RBM47: variants seen among roughly 807,000 people sequenced by gnomAD.
RBM47 encodes RNA-binding protein 47.
RBM47 carries 21 observed loss-of-function variants against 47.1 expected under a neutral mutation model. That is an observed-to-expected ratio of 0.45 (90% confidence interval 0.32 to 0.64). RBM47 has a LOEUF of 0.64. RBM47 is among the 30% of genes least tolerant of loss of function. The probability of loss-of-function intolerance (pLI) is 0.05; values close to 1 mark genes in which losing one functional copy is unlikely to be tolerated. For synonymous variants in RBM47, 375 were observed against 361.7 expected, an observed-to-expected ratio of 1.04 and a Z score of -0.42; for missense variants, 708 against 870.9, an observed-to-expected ratio of 0.81 and a Z score of 2.35.
chr4:40,479,294 G>A (rs1720059206), intron 2 of RBM47, among the ~76,000 whole-genome samples: 1 of 152,140 alleles, frequency 6.6e-6, no homozygotes, highest in Non-Finnish European at 1.5e-5. Context: ...GGATCTGTGG[G>A]CTGTCCTTTT....
rs7663756 is a variant in RBM47, at chr4:40,628,381, T to G, written c.-240+1015A>C. On this transcript the variant is annotated intron_variant, in intron 1 of 6. Transcript: ENST00000295971. The surrounding 1 kb of genome is among the most constrained non-coding windows in gnomAD (Gnocchi z 4.0). ...ACTCCCACAAAGTGATCTCTTCTTA[T>G]GCTCTAGGTTGAGTACTTTGGTTTA... Among the ~76,000 whole-genome samples, 5,142 of 152,324 alleles carry G rather than the reference T, an allele frequency of 0.034. 264 individuals carry two copies. Among genetic ancestry groups the G allele is most frequent in the African/African-American group, 0.11 (4,694 of 41,544 alleles).
At chr4:40,509,968 A>C (rs1038226414) in intron 2 of RBM47, among the ~76,000 whole-genome samples, 3 of 151,868 alleles carry the variant, frequency 2.0e-5, no homozygotes, top group Non-Finnish European at 4.4e-5. Flanking sequence ...GGGGTGGGTC[A>C]CTTGAGGTCA....
At chr4:40,437,169 T>TAAA (rs1560357805) in intron 4 of RBM47, among the ~76,000 whole-genome samples, 4,448 of 109,094 alleles carry the variant, frequency 0.041, 496 homozygotes, top group African/African-American at 0.053. Flanking sequence ...TATATATATA[T>TAAA]ATAATACATA....
At chr4:40,483,667 G>A (rs529575380) in intron 2 of RBM47, among the ~76,000 whole-genome samples, 1 of 152,296 alleles carries the variant, frequency 6.6e-6, no homozygotes, top group African/African-American at 2.4e-5. Context: ...CTGGACTCCA[G>A]CCTGGGTGAC....
At chr4:40,551,625 G>C (rs902655576) in intron 1 of RBM47, among the ~76,000 whole-genome samples, 1 of 151,570 alleles carries the variant, frequency 6.6e-6, no homozygotes, top group African/African-American at 2.4e-5. Flanking sequence ...GAGGGAGGGA[G>C]GGAGAATCAA....
chr4:40,531,701 A>G (rs1201395031), intron 2 of RBM47, among the ~76,000 whole-genome samples: 1 of 152,210 alleles, frequency 6.6e-6, no homozygotes, highest in Non-Finnish European at 1.5e-5. Context: ...AATGTCAGAA[A>G]AGCAGATATA....
intron 2 of RBM47, among the ~76,000 whole-genome samples, chr4:40,540,650 AAAAT>A (rs1200117336): frequency 1.2e-3 from 134 of 110,332 alleles, no homozygotes; most frequent in African/African-American, 4.7e-3. Flanking sequence ...AAAAAAAAAA[AAAAT>A]AATAATAATA....
intron 2 of RBM47, among the ~76,000 whole-genome samples, chr4:40,510,758 T>C (rs989613714): frequency 5.9e-5 from 9 of 152,128 alleles, no homozygotes; most frequent in Admixed American, 3.3e-4. Flanking sequence ...AGAAATGTTA[T>C]TGAAAGATGT....
chr4:40,619,970 G>A (rs368814557), intron 1 of RBM47, among the ~76,000 whole-genome samples: 3 of 152,262 alleles, frequency 2.0e-5, no homozygotes, highest in African/African-American at 2.4e-5. Context: ...GGCCGAGGCC[G>A]CGGATCACTT....
At position 40,429,262 on chromosome 4, in the gene RBM47, G is replaced by A. The variant is rs77870903; in HGVS notation, c.1543-3119C>T. 1.4e-4 allele frequency among the ~76,000 whole-genome samples: 21 copies of A among 152,056 alleles called. No individual in the cohort carries two copies. The East Asian group carries it at 4.1e-3, about 29-fold the overall frequency. ...GGATATGCCAACGAGGAGCACTAAA[G>A]GCCTTCCTGTAAATGAAAAGGGGAA... On this transcript the variant is annotated intron_variant, in intron 6 of 6. Coordinates refer to ENST00000295971, the MANE Select transcript of RBM47 (RefSeq NM_001098634.2).
At chr4:40,502,425 G>A (rs145646919) in intron 2 of RBM47, among the ~76,000 whole-genome samples, 7 of 152,180 alleles carry the variant, frequency 4.6e-5, no homozygotes, top group Non-Finnish European at 8.8e-5. Flanking sequence ...ATGCTGCTGA[G>A]AAATGCTTCC....
intron 1 of RBM47, among the ~76,000 whole-genome samples, chr4:40,586,669 G>A (rs994862574): frequency 1.3e-5 from 2 of 151,102 alleles, no homozygotes; most frequent in Non-Finnish European, 2.9e-5. Flanking sequence ...CAGGCAGGCA[G>A]GGGCAATGGT....
At chr4:40,581,332 A>G (rs1256934463) in intron 1 of RBM47, among the ~76,000 whole-genome samples, 1 of 151,870 alleles carries the variant, frequency 6.6e-6, no homozygotes, top group African/African-American at 2.4e-5. Flanking sequence ...TGAGGTGGGA[A>G]GATCCCTTGA....
At chr4:40,582,712 C>T (rs78512770) in intron 1 of RBM47, among the ~76,000 whole-genome samples, 8,082 of 152,202 alleles carry the variant, frequency 0.053, 501 homozygotes, top group East Asian at 0.21. Context: ...CTTCTGGCTC[C>T]GGGCTGTTTC....
chr4:40,510,204 A>AAG (rs1337270569), intron 2 of RBM47, among the ~76,000 whole-genome samples: 1 of 151,416 alleles, frequency 6.6e-6, no homozygotes, highest in Admixed American at 6.6e-5. Context: ...AAAAAAAAAA[A>AAG]AAAGTAAAGA....
At chr4:40,577,401 A>G (rs1577997407) in intron 1 of RBM47, among the ~76,000 whole-genome samples, 3 of 152,266 alleles carry the variant, frequency 2.0e-5, no homozygotes, top group Non-Finnish European at 4.4e-5. Flanking sequence ...TTGCCGACTA[A>G]ACAAGGCTGC....
At chr4:40,471,114 G>A (rs902876448) in intron 2 of RBM47, among the ~76,000 whole-genome samples, 3 of 152,116 alleles carry the variant, frequency 2.0e-5, no homozygotes, top group Non-Finnish European at 2.9e-5. Flanking sequence ...AAGCTGCCAG[G>A]AGACCACCAG....
intron 1 of RBM47, among the ~76,000 whole-genome samples, chr4:40,578,244 T>C (rs1030340594): frequency 3.9e-5 from 6 of 152,114 alleles, no homozygotes; most frequent in African/African-American, 1.4e-4. Flanking sequence ...CTGATGTTAT[T>C]TTTCTGTTGT....
intron 3 of RBM47, among the ~76,000 whole-genome samples, chr4:40,444,598 C>T (rs1488162387): frequency 6.6e-6 from 1 of 151,874 alleles, no homozygotes; most frequent in Non-Finnish European, 1.5e-5. Flanking sequence ...TTAGATTCTG[C>T]TTGCTACGTA....
Sources: gnomAD v4.1 joint callset for allele counts (sites outside exome capture counted in the v4.1 genomes callset) on GRCh38, gnomAD v4.1.1 for gene constraint, Gnocchi (gnomAD v3.1) non-coding constraint, MANE v1.5 for transcripts, NCBI Gene and HGNC (gene_info 2026-07-23, HGNC 2026-07-21) for gene names.